NELL1: variants seen among roughly 807,000 people sequenced by gnomAD.
The protein encoded by NELL1 is neural EGFL like 1.
A neutral mutation model predicts 107.4 loss-of-function variants in NELL1; 76 were observed. That is an observed-to-expected ratio of 0.71 (90% CI 0.59 to 0.86). The LOEUF (loss-of-function observed/expected upper bound fraction) is 0.86. NELL1 is among the 40% of genes least tolerant of loss of function. NELL1 has a pLI of 0.00. For synonymous variants in NELL1, 353 were observed against 341.2 expected, an observed-to-expected ratio of 1.03 and a Z score of -0.38; for missense variants, 1,024 against 1,005.5, an observed-to-expected ratio of 1.02 and a Z score of -0.25.
chr11:21,082,164 G>A (rs1055120983), intron 12 of NELL1, among the ~76,000 whole-genome samples: 1 of 152,110 alleles, frequency 6.6e-6, no homozygotes, highest in African/African-American at 2.4e-5. Context: ...AGGGAGTCTT[G>A]GTTTAGGCAG....
chr11:21,008,731 G>T (rs1852383349), intron 12 of NELL1, among the ~76,000 whole-genome samples: 1 of 152,094 alleles, frequency 6.6e-6, no homozygotes, highest in Non-Finnish European at 1.5e-5. Flanking sequence ...AAGTCCAGAG[G>T]TTTCTCTGTG....
chr11:21,196,441 C>T (rs915417150), intron 13 of NELL1, among the ~76,000 whole-genome samples: 2 of 152,128 alleles, frequency 1.3e-5, no homozygotes, highest in African/African-American at 2.4e-5. Flanking sequence ...CTTTTTCCCA[C>T]CTTAAGCCTT....
chr11:21,018,477 G>C (rs1852621193), intron 12 of NELL1, among the ~76,000 whole-genome samples: 1 of 152,062 alleles, frequency 6.6e-6, no homozygotes, highest in African/African-American at 2.4e-5. Flanking sequence ...ACTTACTGCT[G>C]TTGTGGCTAC....
At chr11:20,920,049 T>C (rs1302562730) in intron 7 of NELL1, among the ~76,000 whole-genome samples, 2 of 152,148 alleles carry the variant, frequency 1.3e-5, no homozygotes, top group Non-Finnish European at 2.9e-5. Flanking sequence ...AGGGCTTTAA[T>C]ATATATTCAT....
At chr11:21,387,772 T>C (rs1851780519) in intron 15 of NELL1, among the ~76,000 whole-genome samples, 1 of 151,796 alleles carries the variant, frequency 6.6e-6, no homozygotes, top group Non-Finnish European at 1.5e-5. Context: ...CTACACCACA[T>C]CGATATTCTG....
At chr11:21,183,688 A>G (rs1391269158) in intron 13 of NELL1, among the ~76,000 whole-genome samples, 4 of 151,852 alleles carry the variant, frequency 2.6e-5, no homozygotes, top group African/African-American at 4.9e-5. Flanking sequence ...GGATGGCAGC[A>G]TTTTGATCCC....
chr11:20,927,369 A>G lies in NELL1; in HGVS notation c.821A>G (p.Gln274Arg), dbSNP rs1304157176. 4.3e-6 allele frequency: 7 copies of G among 1,613,386 alleles called. No individual in the cohort carries two copies. Among genetic ancestry groups the G allele is most frequent in the Non-Finnish European group, 5.1e-6 (6 of 1,179,720 alleles). The change falls in exon 8 of 20, where the codon CAA (glutamine) becomes CGA (arginine). Residue 274 changes from glutamine to arginine, a missense_variant. Coordinates refer to ENST00000357134, the MANE Select transcript of NELL1 (RefSeq NM_006157.5). ...LENCHCEKTC[Q>R]VSGLLYRDQD... ...AACTGTCATTGTGAGAAGACTTGTC[A>G]AGTGAGTGGACTGCTCTATCGAGAT...
intron 2 of NELL1, among the ~76,000 whole-genome samples, chr11:20,767,235 A>C (rs945932276): frequency 6.6e-6 from 1 of 152,200 alleles, no homozygotes; most frequent in Non-Finnish European, 1.5e-5. Flanking sequence ...AGCAGCAGCA[A>C]GATTTATTGT....
chr11:20,940,880 G>A (rs1850838641), intron 10 of NELL1, among the ~76,000 whole-genome samples: 1 of 152,248 alleles, frequency 6.6e-6, no homozygotes, highest in South Asian at 2.1e-4. Context: ...GCTTATGCCT[G>A]TAATCCCAGC....
intron 15 of NELL1, among the ~76,000 whole-genome samples, chr11:21,460,674 G>T (rs1372399988): frequency 1.3e-5 from 2 of 152,054 alleles, no homozygotes; most frequent in Non-Finnish European, 2.9e-5. Context: ...AGCCCTCCAT[G>T]GTGTAGAGGT....
At chr11:20,977,807 C>G (rs755429862) in intron 12 of NELL1, among the ~76,000 whole-genome samples, 1 of 152,136 alleles carries the variant, frequency 6.6e-6, no homozygotes, top group Non-Finnish European at 1.5e-5. Flanking sequence ...TAAATAAATC[C>G]TAGTTGTTGT....
intron 14 of NELL1, among the ~76,000 whole-genome samples, chr11:21,331,377 T>G (rs1202506589): frequency 1.3e-5 from 2 of 152,064 alleles, no homozygotes; most frequent in African/African-American, 4.8e-5. Flanking sequence ...TTTATTTGTT[T>G]GCATGCTTAT....
chr11:20,827,427 T>G (rs2134032160), intron 3 of NELL1, among the ~76,000 whole-genome samples: 1 of 151,406 alleles, frequency 6.6e-6, no homozygotes, highest in South Asian at 2.1e-4. Flanking sequence ...TATTTATATG[T>G]TGCTCACATA....
intron 12 of NELL1, among the ~76,000 whole-genome samples, chr11:21,051,265 T>C (rs1853486201): frequency 6.6e-6 from 1 of 152,142 alleles, no homozygotes; most frequent in East Asian, 1.9e-4. Context: ...CCATTATTCT[T>C]AAGTGAAGTA....
intron 6 of NELL1, among the ~76,000 whole-genome samples, chr11:20,918,456 C>G (rs902397198): frequency 6.6e-6 from 1 of 151,922 alleles, no homozygotes; most frequent in Non-Finnish European, 1.5e-5. Context: ...AATCCGTTTT[C>G]TCACTGCTGA....
intron 14 of NELL1, among the ~76,000 whole-genome samples, chr11:21,239,616 G>A (rs1261032190): frequency 1.3e-5 from 2 of 152,048 alleles, no homozygotes; most frequent in South Asian, 4.1e-4. Context: ...GGATCACTTT[G>A]TTCCAGAAAA....
At chr11:21,133,972 C>T (rs1433502526) in intron 13 of NELL1, among the ~76,000 whole-genome samples, 1 of 152,248 alleles carries the variant, frequency 6.6e-6, no homozygotes, top group Non-Finnish European at 1.5e-5. Flanking sequence ...ATGCCTCCTC[C>T]ACTGCAGCTG....
chr11:20,742,103 G>A (rs1855904383), intron 2 of NELL1, among the ~76,000 whole-genome samples: 2 of 152,278 alleles, frequency 1.3e-5, no homozygotes, highest in South Asian at 4.2e-4. Context: ...TCCATGCTCT[G>A]GTGCATTCCT....
chr11:20,872,939 A>G (rs1020895661), intron 4 of NELL1, among the ~76,000 whole-genome samples: 10 of 152,130 alleles, frequency 6.6e-5, no homozygotes, highest in Admixed American at 3.3e-4. Context: ...ACATATTAAT[A>G]TAACAAGTAG....
Sources: allele counts gnomAD v4.1 joint callset (sites outside exome capture counted in the v4.1 genomes callset), GRCh38; gene constraint gnomAD v4.1.1; transcripts MANE v1.5; gene names NCBI Gene and HGNC (gene_info 2026-07-23, HGNC 2026-07-21).